ZNF829: variants seen among roughly 807,000 people sequenced by gnomAD.
ZNF829 encodes the protein zinc finger protein 829.
A neutral mutation model predicts 35.2 loss-of-function variants in ZNF829; 25 were observed. That is an observed-to-expected ratio of 0.71 (90% CI 0.52 to 0.99). ZNF829 has a LOEUF of 0.99. Ranked by LOEUF, ZNF829 falls within the 50% of genes least tolerant of loss-of-function variation. The probability of loss-of-function intolerance (pLI) is 0.00; values close to 1 mark genes in which losing one functional copy is unlikely to be tolerated. For missense variants in ZNF829, 417 were observed against 515.3 expected (o/e 0.81, Z 1.85); for synonymous variants, 136 against 163.2 (o/e 0.83, Z 1.27).
intron 4 of ZNF829, 145 bp from the exon 5 acceptor site, chr19:36,908,169 T>A: frequency 8.3e-7 from 1 of 1,204,040 alleles, no homozygotes; most frequent in Non-Finnish European, 1.2e-6. Flanking sequence ...CACAGCCCAT[T>A]GGAGCTGCCC....
chr19:36,891,819 A>G lies in ZNF829; in HGVS notation c.972T>C (p.Tyr324=), dbSNP rs1241714545. The G allele has an allele frequency of 6.2e-7, 1 of 1,614,172 alleles. No individual in the cohort carries two copies. Among genetic ancestry groups the G allele is most frequent in the South Asian group, 1.1e-5 (1 of 91,082 alleles). ...HQRMHTGEKP[Y]ECKQCGKAFN... is the part of the protein sequence containing the mutation. The stretch of plus-strand genomic sequence containing the variant: ...AGGCCTTCCCACACTGCTTACATTC[A>G]TAAGGTTTCTCACCAGTATGCATTC... The change falls in exon 6 of 6, where the codon TAT becomes TAC. Residue 324 remains tyrosine, a synonymous_variant. Transcript: ENST00000391711.
rs2073019558 is a variant in ZNF829 at position 36,888,537 on chromosome 19, A to G, written c.*2955T>C. 6.6e-6 allele frequency: 1 copy of G among 152,146 alleles called. No individual in the cohort carries two copies. The allele number at this position is 152,146 out of a possible 1,614,324, so 9.4% of individuals were successfully genotyped here. ...TATTAGCATAATGCCCCCACCTTTT[A>G]AAAAAGCATTCTTAATTTGCCTTTT... On this transcript the variant is annotated 3_prime_UTR_variant, in exon 6 of 6. Transcript: ENST00000391711.
Position 36,888,246 on chromosome 19 carries a change from CAA to C in ZNF829, c.*3244_*3245del, listed in dbSNP as rs1255381849. ...TATAAATTGTGCTGTCTTGTTTGAT[CAA>C]AAGTTTGATAAAACATTTAATAGTA... On this transcript the variant is annotated 3_prime_UTR_variant, in exon 6 of 6. Coordinates refer to ENST00000391711, the MANE Select transcript of ZNF829 (RefSeq NM_001037232.4). 6.6e-6 allele frequency: 1 copy of C among 152,042 alleles called. No individual in the cohort carries two copies. Among genetic ancestry groups the C allele is most frequent in the Non-Finnish European group, 1.5e-5 (1 of 67,986 alleles). 9.4% of individuals were successfully genotyped at this position (152,042 alleles called of 1,614,324 possible).
intron 5 of ZNF829, among the ~76,000 whole-genome samples, chr19:36,901,569 C>T (rs1247265096): frequency 6.6e-6 from 1 of 152,042 alleles, no homozygotes; most frequent in African/African-American, 2.4e-5. Context: ...TGGTTCATAG[C>T]GAGCAGGGGT....
At chr19:36,901,985 T>A in intron 5 of ZNF829, 1 of 733,536 alleles carries the variant, frequency 1.4e-6, no homozygotes, top group East Asian at 2.5e-5. Flanking sequence ...GAATGTCCCA[T>A]AACGAATCCA....
intron 3 of ZNF829, among the ~76,000 whole-genome samples, chr19:36,910,170 C>CG (rs1326715783): frequency 6.6e-6 from 1 of 151,842 alleles, no homozygotes; most frequent in Non-Finnish European, 1.5e-5. Context: ...CTGCAACCTC[C>CG]ACCTCCCGGG....
At chr19:36,897,727 G>T in intron 5 of ZNF829, among the ~76,000 whole-genome samples, 1 of 152,070 alleles carries the variant, frequency 6.6e-6, no homozygotes, top group East Asian at 1.9e-4. Flanking sequence ...GAAATAAAAG[G>T]CATCCAGATT....
intron 5 of ZNF829, chr19:36,901,986 AACGAATCCAT>A: frequency 1.4e-6 from 1 of 733,322 alleles, no homozygotes; most frequent in Non-Finnish European, 2.5e-6. Context: ...AATGTCCCAT[AACGAATCCAT>A]GTGCGGTTGT....
At chr19:36,914,286 TG>T (rs1206677553) in intron 3 of ZNF829, among the ~76,000 whole-genome samples, 1 of 152,060 alleles carries the variant, frequency 6.6e-6, no homozygotes, top group Non-Finnish European at 1.5e-5. Context: ...TTACAGGAAA[TG>T]ATGAAATAGT....
chr19:36,892,864 G>A (rs1025379699), intron 5 of ZNF829: 62 of 1,150,464 alleles, frequency 5.4e-5, no homozygotes, highest in Non-Finnish European at 6.4e-5. Context: ...TCTCCTCGTC[G>A]TACAGCTTGT....
intron 5 of ZNF829, chr19:36,907,238 G>A (rs1627956): frequency 6.6e-6 from 1 of 150,828 alleles, no homozygotes; most frequent in Admixed American, 6.6e-5. Context: ...AGCAAAAAAA[G>A]CCAAAGGCAA....
intron 5 of ZNF829, among the ~76,000 whole-genome samples, chr19:36,899,264 A>ACCC (rs111462486): frequency 0.018 from 2,763 of 150,096 alleles, 81 homozygotes; most frequent in African/African-American, 0.046. Flanking sequence ...ACATAGGGAG[A>ACCC]CCCCCCCCGA....
intron 5 of ZNF829, among the ~76,000 whole-genome samples, chr19:36,896,025 G>A (rs528715386): frequency 6.6e-6 from 1 of 152,020 alleles, no homozygotes; most frequent in Non-Finnish European, 1.5e-5. Flanking sequence ...AAATTAGCTG[G>A]GTGTGGCCAG....
At chr19:36,913,622 G>A (rs753572510) in intron 3 of ZNF829, among the ~76,000 whole-genome samples, 4 of 152,096 alleles carry the variant, frequency 2.6e-5, no homozygotes, top group Non-Finnish European at 5.9e-5. Flanking sequence ...CAGAAAAGAA[G>A]AAGAAATTCT....
rs2073192020 is a variant in ZNF829, at chr19:36,903,756, TGG to T, written c.319+4171_319+4172del. On this transcript the variant is annotated intron_variant, in intron 5 of 5. Coordinates refer to ENST00000391711, the MANE Select transcript of ZNF829 (RefSeq NM_001037232.4). ...AAATAAAAAAATTAGCCGGGCATGG[TGG>T]CAGGTGCCTCTAATCCCAGCTACTC... 5.2e-5 allele frequency among the ~76,000 whole-genome samples: 6 copies of T among 114,610 alleles called. No homozygotes were observed. The South Asian group carries it at 1.9e-3, about 36-fold the overall frequency. 75.2% of individuals were successfully genotyped at this position (114,610 alleles called of 152,430 possible).
chr19:36,908,124 G>A, intron 4 of ZNF829, 100 bp from the exon 5 acceptor site: 1 of 1,235,166 alleles, frequency 8.1e-7, no homozygotes, highest in South Asian at 1.5e-5. Context: ...ACTACAAGAA[G>A]GACCGGAGAA....
chr19:36,892,215 G>T lies in ZNF829; in HGVS notation c.576C>A (p.Ser192=). 1 of 1,614,082 alleles carries T rather than the reference G, an allele frequency of 6.2e-7. No individual in the cohort carries two copies. Among genetic ancestry groups the T allele is most frequent in the East Asian group, 2.2e-5 (1 of 44,860 alleles). The change falls in exon 6 of 6, where the codon TCC becomes TCA. Residue 192 remains serine, a synonymous_variant. Transcript: ENST00000391711. The stretch of plus-strand genomic sequence containing the variant: ...GAGTAACGAGTGAGCCACGACTAAA[G>T]GACTTCCCATACTCCTTAGATTCAT... ...KHYESKEYGK[S]FSRGSLVTRH...
rs1475888777 is a variant in ZNF829 at position 36,907,268 on chromosome 19, T to C, written c.319+661A>G. ...AGGCAAAAGACTAAATACTGTGTGA[T>C]TGCGTCTATACAAAGTTCAAAAATA... On this transcript the variant is annotated intron_variant, in intron 5 of 5. Coordinates refer to ENST00000391711, the MANE Select transcript of ZNF829 (RefSeq NM_001037232.4). The C allele has an allele frequency of 5.9e-5, 9 of 152,122 alleles. No individual in the cohort carries two copies. The East Asian group carries it at 1.7e-3, about 29-fold the overall frequency. The allele number at this position is 152,122 out of a possible 1,614,324, so 9.4% of individuals were successfully genotyped here.
Position 36,892,084 on chromosome 19 carries a change from C to A in ZNF829, c.707G>T (p.Gly236Val). Residue 236 changes from glycine to valine, a missense_variant, in exon 6 of 6, where the codon GGT (glycine) becomes GTT (valine). Transcript: ENST00000391711. ...TTCCTTACATTCATAGGGTTTCTCA[C>A]CAGTGTGAATCCTCTGATGTTGAGA... is the stretch of plus-strand genomic sequence containing the variant. ...YFSQHQRIHT[G>V]EKPYECKECG... 1 of 1,614,100 alleles carries A rather than the reference C, an allele frequency of 6.2e-7. No homozygotes were observed. Among genetic ancestry groups the A allele is most frequent in the Non-Finnish European group, 8.5e-7 (1 of 1,180,000 alleles).
Sources: gnomAD v4.1 joint callset for allele counts (sites outside exome capture counted in the v4.1 genomes callset) on GRCh38, gnomAD v4.1.1 for gene constraint, MANE v1.5 for transcripts, NCBI Gene and HGNC (gene_info 2026-07-23, HGNC 2026-07-21) for gene names.